SCRN3: variants seen among roughly 807,000 people sequenced by gnomAD.
The protein encoded by SCRN3 is secernin-3.
SCRN3 carries 39 observed loss-of-function variants against 43.1 expected under a neutral mutation model. That is an observed-to-expected ratio of 0.91 (90% CI 0.70 to 1.18). The LOEUF (loss-of-function observed/expected upper bound fraction) is 1.18, where lower values mean the gene tolerates loss of function less well. Among genes scored for constraint, SCRN3 ranks in the 50% most tolerant of loss-of-function variants. The pLI is 0.00. For missense variants in SCRN3, 484 were observed against 498.0 expected, an observed-to-expected ratio of 0.97 and a Z score of 0.27; for synonymous variants, 147 against 163.1, an observed-to-expected ratio of 0.90 and a Z score of 0.75.
chr2:174,418,256 G>C (rs1384894007), intron 5 of SCRN3, among the ~76,000 whole-genome samples: 1 of 152,114 alleles, frequency 6.6e-6, no homozygotes, highest in African/African-American at 2.4e-5. Flanking sequence ...AGTTCATCTA[G>C]CTTTCTGTGC....
At chr2:174,419,225 T>C (rs1686210687) in intron 5 of SCRN3, among the ~76,000 whole-genome samples, 1 of 152,196 alleles carries the variant, frequency 6.6e-6, no homozygotes, top group Non-Finnish European at 1.5e-5. Context: ...TCTTTTACTG[T>C]CATTATAGGG....
In SCRN3 at chr2:174,428,851, A is replaced by T. The variant is rs1686574502; in HGVS notation, c.*956A>T. On this transcript the variant is annotated 3_prime_UTR_variant, in exon 8 of 8. Coordinates refer to ENST00000272732, the MANE Select transcript of SCRN3 (RefSeq NM_024583.5). ...TAAAGATTACCAAGTAAGACTCAAA[A>T]TTGCAAATATAAACAAAAGAAAAAT... 1 of 152,224 alleles carries T rather than the reference A, an allele frequency of 6.6e-6. No homozygotes were observed. Among genetic ancestry groups the T allele is most frequent in the Admixed American group, 6.5e-5 (1 of 15,288 alleles). 9.4% of individuals were successfully genotyped at this position (152,224 alleles called of 1,614,324 possible).
chr2:174,415,354 T>G (rs1032046365), intron 5 of SCRN3, among the ~76,000 whole-genome samples: 2 of 152,206 alleles, frequency 1.3e-5, no homozygotes, highest in African/African-American at 4.8e-5. Flanking sequence ...AATGGCATGT[T>G]ACAATTTTAA....
chr2:174,423,835 G>A (rs1428080429), intron 6 of SCRN3, among the ~76,000 whole-genome samples: 4 of 133,098 alleles, frequency 3.0e-5, no homozygotes, highest in Admixed American at 1.7e-4. Flanking sequence ...ACCCAGGCTA[G>A]AATGGAGTGC....
In SCRN3 at chr2:174,404,167, C is replaced by T. The variant is rs1202197278; in HGVS notation, c.606C>T (p.Asp202=). 9.3e-6 allele frequency: 15 copies of T among 1,613,760 alleles called. No individual in the cohort carries two copies. The East Asian group carries it at 2.2e-4, about 24-fold the overall frequency. ...ITTKIAREHP[D]MRNYAKRKGW... Reference sequence around the variant, plus strand: ...CCAAGATTGCCCGGGAACACCCAGACATGAGAAACTATGCTAAGCGGAAAG... The same window carrying T: ...CCAAGATTGCCCGGGAACACCCAGATATGAGAAACTATGCTAAGCGGAAAG... Residue 202 remains aspartate (D), a synonymous_variant, in exon 5 of 8, where the codon GAC becomes GAT. Transcript: ENST00000272732.
intron 2 of SCRN3, 34 bp from the exon 3 acceptor site, chr2:174,399,888 T>C: frequency 2.2e-6 from 3 of 1,336,474 alleles, no homozygotes; most frequent in Non-Finnish European, 2.9e-6. Flanking sequence ...GTTTTGTGGT[T>C]CTTGCTATGA....
chr2:174,406,597 G>C (rs1685702627), intron 5 of SCRN3, among the ~76,000 whole-genome samples: 1 of 150,724 alleles, frequency 6.6e-6, no homozygotes, highest in South Asian at 2.1e-4. Flanking sequence ...CTGTGGGTTT[G>C]TCAGAGATAG....
At chr2:174,420,565 CTATTA>C (rs978468957) in intron 5 of SCRN3, among the ~76,000 whole-genome samples, 10 of 152,070 alleles carry the variant, frequency 6.6e-5, no homozygotes, top group Non-Finnish European at 1.2e-4. Context: ...TTTGAAATTA[CTATTA>C]TATATTCAAA....
In SCRN3 at chr2:174,424,536, C is replaced by A. The variant is rs1030788768; in HGVS notation, c.979C>A (p.Pro327Thr). The A allele has an allele frequency of 5.6e-6, 9 of 1,612,512 alleles. No individual in the cohort carries two copies. In the African/African-American group the frequency reaches 1.2e-4, roughly 22 times the overall value. The change falls in exon 7 of 8, where the codon CCA (proline) becomes ACA (threonine). Residue 327 changes from proline (P) to threonine (T), a missense_variant. Coordinates refer to ENST00000272732, the MANE Select transcript of SCRN3 (RefSeq NM_024583.5). ...HISQLLDTSS[P>T]TFELEDLVKK... is the part of the protein sequence containing the mutation. ...TTCACAACTATTGGATACCAGTTCA[C>A]CAACATTTGAACTTGAAGATCTAGT...
chr2:174,402,622 G>A (rs1396292617), intron 4 of SCRN3, among the ~76,000 whole-genome samples: 3 of 152,134 alleles, frequency 2.0e-5, no homozygotes, highest in South Asian at 4.1e-4. Context: ...CCAGGAGGTC[G>A]AGGCTGCAGT....
chr2:174,413,247 CA>C (rs1685990742), intron 5 of SCRN3, among the ~76,000 whole-genome samples: 1 of 152,128 alleles, frequency 6.6e-6, no homozygotes, highest in African/African-American at 2.4e-5. Flanking sequence ...ATCTAGTCCA[CA>C]AAAGATGGCT....
Position 174,404,119 on chromosome 2 carries a change from T to G in SCRN3, c.558T>G (p.Ile186Met). 1 of 1,613,416 alleles carries G rather than the reference T, an allele frequency of 6.2e-7. No individual in the cohort carries two copies. Among genetic ancestry groups the G allele is most frequent in the Non-Finnish European group, 8.5e-7 (1 of 1,179,562 alleles). Residue 186 changes from isoleucine (I) to methionine (M), a missense_variant, in exon 5 of 8, where the codon ATT (isoleucine) becomes ATG (methionine). By Grantham distance (10) the Ile-to-Met change is conservative. Coordinates refer to ENST00000272732, the MANE Select transcript of SCRN3 (RefSeq NM_024583.5). ...TGAAAATAGAGGGAGTTCGTAATAT[T>G]TCTAATCAACTTTCCATAACAACCA... ...AEKVQEGVRN[I>M]SNQLSITTKI...
At chr2:174,411,786 G>A (rs1256076055) in intron 5 of SCRN3, among the ~76,000 whole-genome samples, 1 of 152,032 alleles carries the variant, frequency 6.6e-6, no homozygotes, top group Non-Finnish European at 1.5e-5. Flanking sequence ...GCCAGGTATG[G>A]TGCAGGCACC....
At chr2:174,399,054 C>T (rs1438205356) in intron 2 of SCRN3, among the ~76,000 whole-genome samples, 1 of 152,126 alleles carries the variant, frequency 6.6e-6, no homozygotes, top group Admixed American at 6.5e-5. Context: ...TGGTAGTATA[C>T]ACATTAATTA....
chr2:174,408,693 T>G lies in SCRN3; in HGVS notation c.754+4378T>G, dbSNP rs1272924652. ...GGTCAGCATTTGCTTGTCTGTAAAG[T>G]ATTTTATTTCTCCTTCACTTATGAA... On this transcript the variant is annotated intron_variant, in intron 5 of 7. Transcript: ENST00000272732. Among the ~76,000 whole-genome samples, 1,318 of 140,430 alleles carry G rather than the reference T, an allele frequency of 9.4e-3. 24 individuals carry two copies. Among genetic ancestry groups the G allele is most frequent in the African/African-American group, 0.032 (1,245 of 38,598 alleles). The allele number at this position is 140,430 out of a possible 152,430, so 92.1% of individuals were successfully genotyped here.
intron 1 of SCRN3, 84 bp downstream of exon 1, chr2:174,395,901 G>A: frequency 7.0e-7 from 1 of 1,428,624 alleles, no homozygotes; most frequent in East Asian, 2.6e-5. Context: ...CTGCTTGACC[G>A]AGGGGCTCCG....
rs780606180 is a variant in SCRN3 at position 174,401,097 on chromosome 2, T to G, written c.449T>G (p.Phe150Cys). ...AATTGCACAGAGGGTAGAATGGTAT[T>G]TAGCTATCACAACAGTTTCCTGATA... ...GGNCTEGRMV[F>C]SYHNSFLIAD... Residue 150 changes from phenylalanine (F) to cysteine (C), a missense_variant, in exon 4 of 8, where the codon TTT (phenylalanine) becomes TGT (cysteine). Coordinates refer to ENST00000272732, the MANE Select transcript of SCRN3 (RefSeq NM_024583.5). The G allele has an allele frequency of 6.2e-7, 1 of 1,613,960 alleles. No individual in the cohort carries two copies. The highest frequency in any genetic ancestry group is 8.5e-7 in the Non-Finnish European group (1 of 1,179,922).
intron 6 of SCRN3, among the ~76,000 whole-genome samples, chr2:174,424,026 A>G (rs1686393970): frequency 6.6e-6 from 1 of 151,662 alleles, no homozygotes; most frequent in Admixed American, 6.6e-5. Context: ...CCTGGTCTCA[A>G]GAGATTCTCC....
chr2:174,423,721 G>A lies in SCRN3; in HGVS notation c.917+674G>A, dbSNP rs193091292. 3.4e-3 allele frequency among the ~76,000 whole-genome samples: 516 copies of A among 151,050 alleles called. 6 individuals are homozygous for A. The highest frequency in any genetic ancestry group is 6.2e-3 in the Non-Finnish European group (418 of 67,912). On this transcript the variant is annotated intron_variant, in intron 6 of 7. Coordinates refer to ENST00000272732, the MANE Select transcript of SCRN3 (RefSeq NM_024583.5). ...CCTGACTTTGTGATCCGCCCACCTC[G>A]GCCTCCCAACATGCTGGGATTACAG...
Sources: allele counts gnomAD v4.1 joint callset (sites outside exome capture counted in the v4.1 genomes callset), GRCh38; gene constraint gnomAD v4.1.1; transcripts MANE v1.5; gene names NCBI Gene and HGNC (gene_info 2026-07-23, HGNC 2026-07-21).